The following TMEM135 variants were observed in gnomAD, a reference collection of about 807,000 sequenced individuals.
TMEM135 encodes transmembrane protein 135.
A neutral mutation model predicts 60.3 loss-of-function variants in TMEM135; 30 were observed. The observed-to-expected ratio is 0.50, with a 90% confidence interval of 0.37 to 0.68. TMEM135 has a LOEUF of 0.68. Ranked by LOEUF, TMEM135 falls within the 30% of genes least tolerant of loss-of-function variation. The pLI is 0.00. For synonymous variants in TMEM135, 190 were observed against 186.7 expected, an observed-to-expected ratio of 1.02 and a Z score of -0.14; for missense variants, 468 against 548.8, an observed-to-expected ratio of 0.85 and a Z score of 1.47.
intron 6 of TMEM135, among the ~76,000 whole-genome samples, chr11:87,245,461 T>C (rs201184088): frequency 0.58 from 58,436 of 100,808 alleles, 18,438 homozygotes; most frequent in Non-Finnish European, 0.66. Context: ...TGTTAAAGTC[T>C]CCCATTATTA....
At chr11:87,103,399 T>G (rs965723676) in intron 4 of TMEM135, among the ~76,000 whole-genome samples, 1 of 152,152 alleles carries the variant, frequency 6.6e-6, no homozygotes. Context: ...AGGCAATATC[T>G]CATTGTGATT....
At chr11:87,194,408 T>A (rs1939884937) in intron 5 of TMEM135, among the ~76,000 whole-genome samples, 1 of 152,222 alleles carries the variant, frequency 6.6e-6, no homozygotes, top group Admixed American at 6.5e-5. Flanking sequence ...AATCGTTTAG[T>A]GGGCAAAGAC....
intron 4 of TMEM135, among the ~76,000 whole-genome samples, chr11:87,138,704 A>G (rs1324745918): frequency 6.6e-6 from 1 of 152,204 alleles, no homozygotes; most frequent in African/African-American, 2.4e-5. Context: ...ACATTGTGGC[A>G]GAAGAAGGAT....
intron 6 of TMEM135, among the ~76,000 whole-genome samples, chr11:87,249,141 A>T (rs1401547689): frequency 6.6e-6 from 1 of 152,148 alleles, no homozygotes; most frequent in Non-Finnish European, 1.5e-5. Context: ...AATAACAGTC[A>T]TGAAAGTGGG....
intron 8 of TMEM135, 125 bp from the exon 9 acceptor site, chr11:87,305,811 A>G: frequency 2.2e-6 from 1 of 449,360 alleles, no homozygotes; most frequent in Non-Finnish European, 3.9e-6. Flanking sequence ...AAATAAAGTG[A>G]TGTTTTCTTC....
intron 5 of TMEM135, among the ~76,000 whole-genome samples, chr11:87,162,253 G>T (rs1249825199): frequency 6.6e-6 from 1 of 151,658 alleles, no homozygotes; most frequent in Non-Finnish European, 1.5e-5. Flanking sequence ...TTAAGTTCTG[G>T]GATACATGTG....
chr11:87,306,455 C>T (rs1184728560), intron 9 of TMEM135, among the ~76,000 whole-genome samples: 6 of 151,836 alleles, frequency 4.0e-5, no homozygotes, highest in Admixed American at 2.6e-4. Flanking sequence ...TAATTTTGGA[C>T]TTGTAAAACT....
In TMEM135 at chr11:87,266,904, T is replaced by C. The variant is rs531306854; in HGVS notation, c.510-28878T>C. Among the ~76,000 whole-genome samples the C allele has an allele frequency of 1.4e-4, 22 of 152,354 alleles. No individual in the cohort carries two copies. The South Asian group carries it at 4.6e-3, about 32-fold the overall frequency. ...TTATGTTTTGTTGTGTGGTTTTCTCTAGCAGTACATAGTTGCCTCATTATA... is the reference window on the plus strand; with the variant it reads ...TTATGTTTTGTTGTGTGGTTTTCTCCAGCAGTACATAGTTGCCTCATTATA... On this transcript the variant is annotated intron_variant, in intron 6 of 14. Transcript: ENST00000305494.
rs1187677176 is a variant in TMEM135, at chr11:87,322,429, A to G, written c.*1096A>G. The G allele has an allele frequency of 2.4e-5, 11 of 453,878 alleles. No homozygotes were observed. Among genetic ancestry groups the G allele is most frequent in the Non-Finnish European group, 4.4e-5 (10 of 226,748 alleles). The allele number at this position is 453,878 out of a possible 1,614,324, so 28.1% of individuals were successfully genotyped here. On this transcript the variant is annotated 3_prime_UTR_variant, in exon 15 of 15. Coordinates refer to ENST00000305494, the MANE Select transcript of TMEM135 (RefSeq NM_022918.4). ...TTGTCACCATTTTTACTGTTAGAAT[A>G]AAGAGGTGACACCATAAAGTCCTGC...
chr11:87,057,600 A>G (rs2135123422), intron 1 of TMEM135, among the ~76,000 whole-genome samples: 1 of 152,266 alleles, frequency 6.6e-6, no homozygotes, highest in East Asian at 1.9e-4. Flanking sequence ...GAATCATATG[A>G]GATAGTGCAC....
chr11:87,083,453 A>G (rs925474523), intron 3 of TMEM135, among the ~76,000 whole-genome samples: 6 of 152,214 alleles, frequency 3.9e-5, no homozygotes, highest in Admixed American at 1.3e-4. Context: ...GTGTGCTCAA[A>G]CATGAACATG....
chr11:87,292,730 T>C (rs1030069714), intron 6 of TMEM135, among the ~76,000 whole-genome samples: 3 of 152,206 alleles, frequency 2.0e-5, no homozygotes, highest in Non-Finnish European at 4.4e-5. Flanking sequence ...ACAAACCTTA[T>C]ACACATGAAT....
intron 5 of TMEM135, among the ~76,000 whole-genome samples, chr11:87,220,235 C>G (rs1016926832): frequency 6.6e-6 from 1 of 152,146 alleles, no homozygotes; most frequent in African/African-American, 2.4e-5. Flanking sequence ...AGGGCATTTT[C>G]TGTTAAAATA....
intron 6 of TMEM135, among the ~76,000 whole-genome samples, chr11:87,292,610 T>A (rs992235174): frequency 4.5e-5 from 4 of 89,832 alleles, no homozygotes; most frequent in Non-Finnish European, 1.1e-4. Context: ...GCTCATACAA[T>A]ACTCTTAGTG....
chr11:87,224,566 G>T (rs903922609), intron 5 of TMEM135, among the ~76,000 whole-genome samples: 32 of 152,014 alleles, frequency 2.1e-4, no homozygotes, highest in African/African-American at 7.7e-4. Context: ...CTTACTTGAG[G>T]TTAATGGGAA....
At chr11:87,067,561 G>T in intron 1 of TMEM135, 133 bp from the exon 2 acceptor site, 1 of 1,172,824 alleles carries the variant, frequency 8.5e-7, no homozygotes. Flanking sequence ...TATTTTTATA[G>T]AAGATCCAGT....
intron 6 of TMEM135, among the ~76,000 whole-genome samples, chr11:87,269,550 G>A (rs927160014): frequency 6.7e-6 from 1 of 150,094 alleles, no homozygotes; most frequent in African/African-American, 2.5e-5. Context: ...CTGTGTCCAT[G>A]TGTTCTCATT....
intron 6 of TMEM135, among the ~76,000 whole-genome samples, chr11:87,273,897 A>G (rs909678786): frequency 6.6e-6 from 1 of 152,214 alleles, no homozygotes; most frequent in East Asian, 1.9e-4. Context: ...TCCCCCCAAG[A>G]TCATTGTTTT....
chr11:87,198,257 C>T (rs1011713315), intron 5 of TMEM135, among the ~76,000 whole-genome samples: 3 of 152,012 alleles, frequency 2.0e-5, no homozygotes, highest in Non-Finnish European at 4.4e-5. Context: ...TGTCAAAATC[C>T]GTTTTACAAT....
Sources: allele counts gnomAD v4.1 joint callset (sites outside exome capture counted in the v4.1 genomes callset), GRCh38; gene constraint gnomAD v4.1.1; transcripts MANE v1.5; gene names NCBI Gene and HGNC (gene_info 2026-07-23, HGNC 2026-07-21).